Variants in KLF12 observed in about 807,000 individuals in gnomAD.
KLF12 encodes Krueppel-like factor 12.
In KLF12, 9 loss-of-function variants were observed where a neutral mutation model predicts 37.8. The ratio of observed to expected loss-of-function variants is 0.24; its 90% CI spans 0.14 to 0.42. The LOEUF (loss-of-function observed/expected upper bound fraction) is 0.42. Ranked by LOEUF, KLF12 falls within the 10% of genes least tolerant of loss-of-function variation. KLF12 has a pLI of 1.00. For synonymous variants in KLF12, 208 were observed against 202.1 expected (o/e 1.03, Z -0.25); for missense variants, 411 against 516.0 (o/e 0.80, Z 1.97).
chr13:74,246,615 C>T, the KLF12 span, among the ~76,000 whole-genome samples: 17 of 152,352 alleles, frequency 1.1e-4, no homozygotes, highest in African/African-American at 3.8e-4. Context: ...AACACATCAA[C>T]TCTCTCTCCT....
intron 3 of KLF12, among the ~76,000 whole-genome samples, chr13:73,914,229 G>A (rs1213983687): frequency 6.6e-6 from 1 of 152,056 alleles, no homozygotes; most frequent in South Asian, 2.1e-4. Context: ...TCTGGCACCC[G>A]GGTTTACCAC....
At chr13:73,764,330 T>C (rs1879763543) in intron 6 of KLF12, among the ~76,000 whole-genome samples, 2 of 152,140 alleles carry the variant, frequency 1.3e-5, no homozygotes, top group Non-Finnish European at 2.9e-5. Context: ...CATGAAATAT[T>C]TGTGAAACAC....
At chr13:74,220,597 T>A in the KLF12 span, among the ~76,000 whole-genome samples, 1 of 152,226 alleles carries the variant, frequency 6.6e-6, no homozygotes, top group Non-Finnish European at 1.5e-5. Flanking sequence ...TAAACCATCA[T>A]CAGCATGATG....
At chr13:74,184,520 T>C in the KLF12 span, among the ~76,000 whole-genome samples, 4 of 152,262 alleles carry the variant, frequency 2.6e-5, no homozygotes, top group Admixed American at 2.0e-4. Flanking sequence ...CACAGTATTA[T>C]GCATTGAGAA....
intron 6 of KLF12, among the ~76,000 whole-genome samples, chr13:73,734,713 T>C (rs1877323170): frequency 6.6e-6 from 1 of 152,176 alleles, no homozygotes; most frequent in South Asian, 2.1e-4. Flanking sequence ...ATAATATCAT[T>C]AAGCATTTAC....
At chr13:74,185,149 T>C in the KLF12 span, among the ~76,000 whole-genome samples, 5 of 152,356 alleles carry the variant, frequency 3.3e-5, no homozygotes, top group East Asian at 5.8e-4. Context: ...GGTACCCAAT[T>C]GTTAATATGT....
intron 4 of KLF12, among the ~76,000 whole-genome samples, chr13:73,840,142 CATTTT>C (rs1884663054): frequency 1.3e-5 from 2 of 152,148 alleles, no homozygotes; most frequent in Non-Finnish European, 2.9e-5. Flanking sequence ...TCTCGGTCCT[CATTTT>C]ATTTGGTCCC....
At chr13:74,283,570 T>C in the KLF12 span, among the ~76,000 whole-genome samples, 1 of 152,150 alleles carries the variant, frequency 6.6e-6, no homozygotes, top group African/African-American at 2.4e-5. Flanking sequence ...AATGAAACAG[T>C]ATGCACTAGT....
intron 7 of KLF12, among the ~76,000 whole-genome samples, chr13:73,700,282 A>AATT (rs1874451773): frequency 6.7e-6 from 1 of 149,054 alleles, no homozygotes; most frequent in African/African-American, 2.5e-5. Flanking sequence ...ATAAATAAAT[A>AATT]AATTAATTAA....
intron 1 of KLF12, among the ~76,000 whole-genome samples, chr13:74,025,682 G>C (rs1420673934): frequency 6.6e-6 from 1 of 152,118 alleles, no homozygotes; most frequent in Middle Eastern, 3.2e-3. Context: ...AGGTACCCAA[G>C]GGAATTTAGA....
chr13:73,858,795 C>T (rs1328515848), intron 3 of KLF12, among the ~76,000 whole-genome samples: 2 of 152,062 alleles, frequency 1.3e-5, no homozygotes, highest in Non-Finnish European at 2.9e-5. Flanking sequence ...AAGTTTCAAC[C>T]CTATATTCTA....
At chr13:74,119,153 C>G (rs1877475541) in intron 1 of KLF12, among the ~76,000 whole-genome samples, 1 of 151,824 alleles carries the variant, frequency 6.6e-6, no homozygotes, top group Admixed American at 6.6e-5. Context: ...GCCAACATGG[C>G]AAAACCCCAT....
upstream of KLF12, among the ~76,000 whole-genome samples, chr13:74,137,819 G>A (rs996213661): frequency 6.6e-6 from 1 of 151,994 alleles, no homozygotes; most frequent in Non-Finnish European, 1.5e-5. Context: ...GGAGTGCAAC[G>A]GCGCGATTTC....
intron 2 of KLF12, among the ~76,000 whole-genome samples, chr13:73,967,671 G>A (rs1182577956): frequency 1.3e-5 from 2 of 152,150 alleles, no homozygotes; most frequent in Non-Finnish European, 2.9e-5. Flanking sequence ...GCATTCTTAG[G>A]AATATTGTGT....
chr13:74,267,164 T>A, the KLF12 span, among the ~76,000 whole-genome samples: 1 of 152,180 alleles, frequency 6.6e-6, no homozygotes, highest in African/African-American at 2.4e-5. Context: ...CCCCAAAAGA[T>A]ATGCCCACAT....
At chr13:73,836,701 A>G (rs9573310) in intron 4 of KLF12, among the ~76,000 whole-genome samples, 30,786 of 152,106 alleles carry the variant, frequency 0.2, 3,833 homozygotes, top group East Asian at 0.5. Context: ...TTTTTTTTAA[A>G]TAGAACTATT....
chr13:74,208,809 A>G, the KLF12 span, among the ~76,000 whole-genome samples: 2 of 152,072 alleles, frequency 1.3e-5, no homozygotes, highest in African/African-American at 4.8e-5. Context: ...CACTGTGTCT[A>G]AAAAATTTTT....
At chr13:73,899,461 CCT>C (rs1251989875) in intron 3 of KLF12, among the ~76,000 whole-genome samples, 1 of 152,172 alleles carries the variant, frequency 6.6e-6, no homozygotes, top group East Asian at 1.9e-4. Context: ...TATTCCCTCC[CCT>C]GAGCTATGTG....
At chr13:74,091,856 C>A (rs1281812107) in intron 1 of KLF12, among the ~76,000 whole-genome samples, 1 of 152,046 alleles carries the variant, frequency 6.6e-6, no homozygotes, top group Non-Finnish European at 1.5e-5. Context: ...TTAATTGTAA[C>A]ATATGTACCA....
Sources: gnomAD v4.1 joint callset for allele counts (sites outside exome capture counted in the v4.1 genomes callset) on GRCh38, gnomAD v4.1.1 for gene constraint, MANE v1.5 for transcripts, NCBI Gene and HGNC (gene_info 2026-07-23, HGNC 2026-07-21) for gene names.